The following GRID2 variants were observed in gnomAD, a reference collection of about 807,000 sequenced individuals.
GRID2 encodes the protein glutamate ionotropic receptor delta type subunit 2.
In GRID2, 33 loss-of-function variants were observed where a neutral mutation model predicts 114.8. The ratio of observed to expected loss-of-function variants is 0.29; its 90% CI spans 0.22 to 0.38. The LOEUF (loss-of-function observed/expected upper bound fraction) is 0.38, where lower values mean the gene tolerates loss of function less well. Ranked by LOEUF, GRID2 falls within the 10% of genes least tolerant of loss-of-function variation. GRID2 has a pLI of 1.00. For synonymous variants in GRID2, 505 were observed against 449.9 expected (o/e 1.12, Z -1.55); for missense variants, 1,184 against 1,257.7 (o/e 0.94, Z 0.89).
chr4:92,712,446 G>A (rs1207706252), intron 2 of GRID2, among the ~76,000 whole-genome samples: 2 of 152,018 alleles, frequency 1.3e-5, no homozygotes, highest in African/African-American at 4.8e-5. Flanking sequence ...TTTACCAGTT[G>A]ATGCCATAGC....
chr4:92,615,154 TG>T (rs897185031), intron 2 of GRID2, among the ~76,000 whole-genome samples: 40 of 151,654 alleles, frequency 2.6e-4, no homozygotes, highest in Middle Eastern at 6.8e-3. Context: ...CTCCTTGGGT[TG>T]CAAATGCCTG....
intron 1 of GRID2, among the ~76,000 whole-genome samples, chr4:92,403,989 T>A (rs1356960922): frequency 1.3e-5 from 2 of 151,954 alleles, no homozygotes; most frequent in Non-Finnish European, 2.9e-5. Flanking sequence ...AAATAACTAA[T>A]CACAGATTAA....
At position 93,122,075 on chromosome 4, in the gene GRID2, GTGA is replaced by G. The variant is rs140929629; in HGVS notation, c.735+11126_735+11128del. On this transcript the variant is annotated intron_variant, in intron 4 of 15. Coordinates refer to ENST00000282020, the MANE Select transcript of GRID2 (RefSeq NM_001510.4). The stretch of plus-strand genomic sequence containing the variant: ...TGTCTGTCTTTTCACCCTGTAAATA[GTGA>G]TGAACAGAAGTTCTTATTTGTAATG... Among the ~76,000 whole-genome samples, 761 of 152,232 alleles carry G rather than the reference GTGA, an allele frequency of 5.0e-3. 2 individuals are homozygous for G. Among genetic ancestry groups the G allele is most frequent in the African/African-American group, 0.017 (726 of 41,556 alleles).
At chr4:93,034,578 C>T (rs1011996817) in intron 2 of GRID2, among the ~76,000 whole-genome samples, 1 of 152,152 alleles carries the variant, frequency 6.6e-6, no homozygotes, top group Non-Finnish European at 1.5e-5. Flanking sequence ...TCTGTCCCAA[C>T]TATGCTTTCT....
chr4:93,377,015 T>G (rs765001231), intron 8 of GRID2, among the ~76,000 whole-genome samples: 1 of 152,170 alleles, frequency 6.6e-6, no homozygotes, highest in African/African-American at 2.4e-5. Flanking sequence ...TTGGGAAGTA[T>G]GATAATGGTG....
At chr4:92,585,711 AT>A (rs1401291307) in intron 1 of GRID2, among the ~76,000 whole-genome samples, 2 of 151,726 alleles carry the variant, frequency 1.3e-5, no homozygotes, top group African/African-American at 2.4e-5. Flanking sequence ...TGAACACATA[AT>A]TTTTTCTCTA....
chr4:92,499,245 C>A (rs901621750), intron 1 of GRID2, among the ~76,000 whole-genome samples: 7 of 151,888 alleles, frequency 4.6e-5, no homozygotes, highest in Non-Finnish European at 1.0e-4. Context: ...CATGTATCTC[C>A]TGTAATATTT....
At chr4:92,915,577 C>T (rs1748719660) in intron 2 of GRID2, among the ~76,000 whole-genome samples, 1 of 152,078 alleles carries the variant, frequency 6.6e-6, no homozygotes, top group Non-Finnish European at 1.5e-5. Context: ...CAGGGTAGTA[C>T]CCAGAAATGG....
intron 2 of GRID2, among the ~76,000 whole-genome samples, chr4:92,591,930 CCATT>C (rs769445495): frequency 1.3e-5 from 2 of 151,846 alleles, no homozygotes; most frequent in Non-Finnish European, 2.9e-5. Flanking sequence ...ATTGAAATAA[CCATT>C]CAGTTATTTA....
chr4:92,971,481 A>G (rs1035919219), intron 2 of GRID2, among the ~76,000 whole-genome samples: 1 of 151,994 alleles, frequency 6.6e-6, no homozygotes, highest in Admixed American at 6.6e-5. Flanking sequence ...TATATGTGTA[A>G]TGATCAAATC....
At chr4:93,594,370 G>T (rs1332348975) in intron 13 of GRID2, among the ~76,000 whole-genome samples, 1 of 152,194 alleles carries the variant, frequency 6.6e-6, no homozygotes, top group African/African-American at 2.4e-5. Flanking sequence ...CTGCTCGGGG[G>T]TCAGGGGTCA....
intron 14 of GRID2, among the ~76,000 whole-genome samples, chr4:93,748,373 G>C (rs1732028015): frequency 6.6e-6 from 1 of 152,054 alleles, no homozygotes. Flanking sequence ...TACCCCAGTA[G>C]ACAGTAATAT....
chr4:92,568,178 A>T (rs1026608705), intron 1 of GRID2, among the ~76,000 whole-genome samples: 6 of 151,974 alleles, frequency 3.9e-5, no homozygotes, highest in Non-Finnish European at 7.4e-5. Flanking sequence ...AGGACTGCTG[A>T]GATGGGAATA....
intron 1 of GRID2, among the ~76,000 whole-genome samples, chr4:92,378,610 C>G (rs1182844747): frequency 6.6e-6 from 1 of 152,022 alleles, no homozygotes; most frequent in Non-Finnish European, 1.5e-5. Flanking sequence ...ACAACATGCA[C>G]ACACCCCACA....
intron 1 of GRID2, among the ~76,000 whole-genome samples, chr4:92,518,686 T>G (rs1724625421): frequency 6.6e-6 from 1 of 151,852 alleles, no homozygotes; most frequent in Admixed American, 6.6e-5. Flanking sequence ...AGTTAAAGTG[T>G]AATTTACCAC....
At chr4:92,645,020 T>C (rs1036273384) in intron 2 of GRID2, among the ~76,000 whole-genome samples, 1 of 151,576 alleles carries the variant, frequency 6.6e-6, no homozygotes, top group Non-Finnish European at 1.5e-5. Context: ...ATTTTAGATC[T>C]AGCTTCTAAC....
intron 8 of GRID2, among the ~76,000 whole-genome samples, chr4:93,304,630 A>C (rs1247266373): frequency 6.6e-6 from 1 of 152,204 alleles, no homozygotes; most frequent in African/African-American, 2.4e-5. Context: ...AAGGAATGTA[A>C]AGAGGCCCTT....
chr4:93,418,585 C>T (rs1037935377), intron 9 of GRID2, among the ~76,000 whole-genome samples: 3 of 151,984 alleles, frequency 2.0e-5, no homozygotes, highest in Middle Eastern at 3.4e-3. Context: ...ATTTCTGTTC[C>T]TTGTTTCTTC....
intron 2 of GRID2, among the ~76,000 whole-genome samples, chr4:93,029,430 T>C (rs1157452820): frequency 1.3e-5 from 2 of 152,122 alleles, no homozygotes; most frequent in Admixed American, 6.6e-5. Context: ...TAAATAATAA[T>C]TGTTGTTCCT....
Sources: gnomAD v4.1 joint callset for allele counts (sites outside exome capture counted in the v4.1 genomes callset) on GRCh38, gnomAD v4.1.1 for gene constraint, MANE v1.5 for transcripts, NCBI Gene and HGNC (gene_info 2026-07-23, HGNC 2026-07-21) for gene names.